RAPGEF2: variants seen among roughly 807,000 people sequenced by gnomAD.
RAPGEF2 encodes the protein PDZ domain containing guanine nucleotide exchange factor (GEF) 1.
In RAPGEF2, 54 loss-of-function variants were observed where a neutral mutation model predicts 186.7. The observed-to-expected ratio is 0.29, with a 90% CI of 0.23 to 0.36. The LOEUF is 0.36. Among genes scored for constraint, RAPGEF2 ranks in the 10% least tolerant of loss-of-function variants. The pLI is 1.00. For synonymous variants in RAPGEF2, 712 were observed against 705.9 expected, an observed-to-expected ratio of 1.01 and a Z score of -0.14; for missense variants, 1,532 against 2,045.0, an observed-to-expected ratio of 0.75 and a Z score of 4.84.
intron 1 of RAPGEF2, among the ~76,000 whole-genome samples, chr4:159,160,784 T>A (rs1744630022): frequency 6.6e-6 from 1 of 152,208 alleles, no homozygotes; most frequent in African/African-American, 2.4e-5. Context: ...TTCCTGTACA[T>A]CATTTTTTTT....
At chr4:159,331,324 A>G in intron 13 of RAPGEF2, 107 bp from the exon 14 acceptor site, 1 of 623,740 alleles carries the variant, frequency 1.6e-6, no homozygotes, top group Admixed American at 3.2e-5. Context: ...TTTCCTGTTT[A>G]TTATTATTAG....
At chr4:159,248,474 C>T (rs1754920012) in intron 7 of RAPGEF2, among the ~76,000 whole-genome samples, 2 of 152,158 alleles carry the variant, frequency 1.3e-5, no homozygotes, top group Non-Finnish European at 2.9e-5. Context: ...TTACTAGTTC[C>T]TCTTTACCCT....
At chr4:159,227,423 A>C (rs1029885283) in intron 4 of RAPGEF2, among the ~76,000 whole-genome samples, 2 of 152,264 alleles carry the variant, frequency 1.3e-5, no homozygotes, top group Non-Finnish European at 2.9e-5. Flanking sequence ...CCAGCTTTGC[A>C]CAATGAAATG....
intron 7 of RAPGEF2, among the ~76,000 whole-genome samples, chr4:159,285,903 A>T (rs1579766761): frequency 2.0e-5 from 3 of 152,182 alleles, no homozygotes; most frequent in African/African-American, 7.2e-5. Context: ...ATGAGACATC[A>T]ATTGGTTGAT....
intron 1 of RAPGEF2, among the ~76,000 whole-genome samples, chr4:159,184,973 C>T (rs2111289369): frequency 6.6e-6 from 1 of 152,274 alleles, no homozygotes; most frequent in East Asian, 1.9e-4. Context: ...GTTTCCCCAG[C>T]ACCATTTATT....
intron 1 of RAPGEF2, among the ~76,000 whole-genome samples, chr4:159,118,535 C>T (rs1011753294): frequency 1.4e-5 from 2 of 141,928 alleles, no homozygotes; most frequent in African/African-American, 5.1e-5. Context: ...TGAAACTGGT[C>T]CCTGGTGCCA....
At position 159,103,316 on chromosome 4, in the gene RAPGEF2, T is replaced by G. The variant is rs1437181407; in HGVS notation, c.-847T>G. 1 of 151,820 alleles carries G rather than the reference T, an allele frequency of 6.6e-6. No individual in the cohort carries two copies. Among genetic ancestry groups the G allele is most frequent in the Admixed American group, 6.6e-5 (1 of 15,188 alleles). 9.4% of individuals were successfully genotyped at this position (151,820 alleles called of 1,614,324 possible). On this transcript the variant is annotated 5_prime_UTR_variant, in exon 1 of 30. Coordinates refer to ENST00000691494, the MANE Select transcript of RAPGEF2 (RefSeq NM_001394067.2). ...GCCGAGAGCGACTGGGCCGGAGGGC[T>G]GCAGCCCGGGCCGGGTGCTCTGGCC... is the stretch of plus-strand genomic sequence containing the variant.
intron 7 of RAPGEF2, chr4:159,267,669 A>G: frequency 1.3e-6 from 1 of 795,488 alleles, no homozygotes; most frequent in South Asian, 3.8e-5. Flanking sequence ...AGATGAAACA[A>G]GGGTATTAAC....
chr4:159,151,204 A>G (rs1743496494), intron 1 of RAPGEF2, among the ~76,000 whole-genome samples: 1 of 151,318 alleles, frequency 6.6e-6, no homozygotes, highest in Non-Finnish European at 1.5e-5. Flanking sequence ...CAACTGTTTA[A>G]AGTACTTTAA....
intron 1 of RAPGEF2, among the ~76,000 whole-genome samples, chr4:159,123,643 C>T (rs1220782042): frequency 6.6e-6 from 1 of 150,594 alleles, no homozygotes; most frequent in Non-Finnish European, 1.5e-5. Context: ...CTCAGCCTCC[C>T]GAGTAGCTGG....
intron 1 of RAPGEF2, among the ~76,000 whole-genome samples, chr4:159,160,465 CCTCA>C (rs1561026324): frequency 6.6e-6 from 1 of 152,184 alleles, no homozygotes; most frequent in African/African-American, 2.4e-5. Context: ...GATTTTAAAT[CCTCA>C]CTCATGTAAC....
Position 159,210,480 on chromosome 4 carries a change from C to G in RAPGEF2, c.198-20C>G, listed in dbSNP as rs771763456. On this transcript the variant is annotated intron_variant, in intron 3 of 29. Transcript: ENST00000691494. ...TGTTGTTATAGGTAACAATCTGATTCTGTTACCTTTTCTTTTCAGCCCTGA... is the reference window on the plus strand; with the variant it reads ...TGTTGTTATAGGTAACAATCTGATTGTGTTACCTTTTCTTTTCAGCCCTGA... 4.1e-6 allele frequency: 6 copies of G among 1,479,248 alleles called. No individual in the cohort carries two copies. Among genetic ancestry groups the G allele is most frequent in the South Asian group, 3.6e-5 (3 of 82,368 alleles). The allele number at this position is 1,479,248 out of a possible 1,614,324, so 91.6% of individuals were successfully genotyped here. A position where few individuals can be genotyped will look rare whatever the true frequency, so the allele number is the denominator to read the frequency against.
At chr4:159,224,396 C>T (rs888871558) in intron 4 of RAPGEF2, among the ~76,000 whole-genome samples, 8 of 152,154 alleles carry the variant, frequency 5.3e-5, no homozygotes, top group Admixed American at 2.0e-4. Flanking sequence ...TTTCTAAGAA[C>T]GTGCTTGTGG....
At chr4:159,137,392 G>A (rs1046151804) in intron 1 of RAPGEF2, among the ~76,000 whole-genome samples, 1 of 152,120 alleles carries the variant, frequency 6.6e-6, no homozygotes, top group African/African-American at 2.4e-5. Context: ...GGGAGAGCAG[G>A]TGCTCTGTGT....
chr4:159,267,465 C>T (rs1757557868), intron 7 of RAPGEF2, among the ~76,000 whole-genome samples: 1 of 152,176 alleles, frequency 6.6e-6, no homozygotes, highest in Admixed American at 6.5e-5. Flanking sequence ...AATTAAATGT[C>T]CATCAGTGTC....
At chr4:159,167,875 A>G (rs1745495904) in intron 1 of RAPGEF2, among the ~76,000 whole-genome samples, 1 of 152,192 alleles carries the variant, frequency 6.6e-6, no homozygotes, top group Non-Finnish European at 1.5e-5. Context: ...AAAGGAATGT[A>G]CCTGTTTAAT....
chr4:159,322,818 C>A (rs1233905216), intron 10 of RAPGEF2, among the ~76,000 whole-genome samples: 1 of 152,050 alleles, frequency 6.6e-6, no homozygotes, highest in Non-Finnish European at 1.5e-5. Context: ...AAGCAGAGAC[C>A]CCTGATAAAA....
At chr4:159,220,734 A>G (rs934030676) in intron 4 of RAPGEF2, among the ~76,000 whole-genome samples, 9 of 152,246 alleles carry the variant, frequency 5.9e-5, no homozygotes, top group Admixed American at 5.9e-4. Context: ...ATCCATACCA[A>G]GCTGTGAGAT....
rs139274640 is a variant in RAPGEF2, at chr4:159,127,083, G to A, written c.69+22852G>A. ...CTCTTGTCGCCCAGGCTGGAGTGCA[G>A]TGGTGCTATCTTGGCTCACTACAAC... is the stretch of plus-strand genomic sequence containing the variant. On this transcript the variant is annotated intron_variant, in intron 1 of 29. Transcript: ENST00000691494. 8.5e-3 allele frequency among the ~76,000 whole-genome samples: 1,288 copies of A among 152,286 alleles called. 23 individuals are homozygous for A. The highest frequency in any genetic ancestry group is 0.029 in the African/African-American group (1,224 of 41,552).
Sources: allele counts gnomAD v4.1 joint callset (sites outside exome capture counted in the v4.1 genomes callset), GRCh38; gene constraint gnomAD v4.1.1; transcripts MANE v1.5; gene names NCBI Gene and HGNC (gene_info 2026-07-23, HGNC 2026-07-21).